The following NBDY variants were observed in gnomAD, a reference collection of about 807,000 sequenced individuals.
NBDY encodes the protein P-body dissociating protein.
At chrX:56,731,785 G>C (rs2146710266) in intron 1 of NBDY, among the ~76,000 whole-genome samples, 1 of 111,075 alleles carries the variant, frequency 9.0e-6, no homozygotes, top group Admixed American at 9.6e-5. Flanking sequence ...CTCTACTAGA[G>C]AAGTTTGTAT....
intron 2 of NBDY, among the ~76,000 whole-genome samples, chrX:56,763,757 C>T (rs1467187634): frequency 8.9e-6 from 1 of 112,786 alleles, no homozygotes; most frequent in African/African-American, 3.2e-5. Context: ...TCCTTGGTCA[C>T]ACGGTCCCAT....
At chrX:56,800,768 C>T (rs1020876322) in intron 2 of NBDY, among the ~76,000 whole-genome samples, 3 of 110,954 alleles carry the variant, frequency 2.7e-5, no homozygotes, top group Non-Finnish European at 5.7e-5. Flanking sequence ...AAAGCAGGGT[C>T]GGGTGGGCAC....
chrX:56,751,281 G>A (rs1172412969), intron 2 of NBDY, among the ~76,000 whole-genome samples: 1 of 111,064 alleles, frequency 9.0e-6, no homozygotes, highest in Non-Finnish European at 1.9e-5. Flanking sequence ...CTGCTCATTT[G>A]TCATAGCCTC....
intron 2 of NBDY, among the ~76,000 whole-genome samples, chrX:56,757,440 T>C (rs956548955): frequency 1.8e-5 from 2 of 112,204 alleles, no homozygotes; most frequent in Admixed American, 9.4e-5. Context: ...ATTCTGGGCA[T>C]CCCTTCCTTC....
intron 2 of NBDY, among the ~76,000 whole-genome samples, chrX:56,801,026 C>A (rs778778888): frequency 5.3e-4 from 59 of 111,844 alleles, no homozygotes; most frequent in Non-Finnish European, 9.8e-4. Context: ...CCTTGCAGTG[C>A]GCTGATGACA....
At chrX:56,736,267 T>C (rs1337037035) in intron 2 of NBDY, among the ~76,000 whole-genome samples, 1 of 111,894 alleles carries the variant, frequency 8.9e-6, no homozygotes, top group Non-Finnish European at 1.9e-5. Flanking sequence ...ATTGAATAAT[T>C]CTATTTTTTT....
chrX:56,739,237 T>TATATATA (rs2069515559), intron 2 of NBDY, among the ~76,000 whole-genome samples: 1 of 14,087 alleles, frequency 7.1e-5, no homozygotes, highest in Non-Finnish European at 2.3e-4. Flanking sequence ...TGTTTGTGTG[T>TATATATA]GTATATATAT....
chrX:56,764,301 CAGAGT>C, intron 2 of NBDY, among the ~76,000 whole-genome samples: 1 of 112,147 alleles, frequency 8.9e-6, no homozygotes, highest in South Asian at 3.7e-4. Flanking sequence ...CAAAAGACAC[CAGAGT>C]AAACGGCCCC....
rs939110708 is a variant in NBDY at position 56,818,247 on chromosome X, A to G, written c.*1094A>G. ...AAATTAAAATATAAAATAATAATAC[A>G]ATTTGTTCAAATAAGTAATTAAAGC... is the stretch of plus-strand genomic sequence containing the variant. On this transcript the variant is annotated 3_prime_UTR_variant, in exon 3 of 3. Transcript: ENST00000374922. The G allele has an allele frequency of 1.8e-5, 2 of 111,820 alleles. No individual in the cohort carries two copies. Among genetic ancestry groups the G allele is most frequent in the African/African-American group, 6.5e-5 (2 of 30,925 alleles). 9.2% of individuals were successfully genotyped at this position (111,820 alleles called of 1,213,427 possible).
chrX:56,749,459 G>C (rs1161827180), intron 2 of NBDY, among the ~76,000 whole-genome samples: 2 of 111,026 alleles, frequency 1.8e-5, no homozygotes, highest in African/African-American at 6.6e-5. Context: ...GTTTTGTTCA[G>C]AATCTTATCA....
chrX:56,734,421 A>G (rs2069476012), intron 2 of NBDY, among the ~76,000 whole-genome samples: 1 of 112,509 alleles, frequency 8.9e-6, no homozygotes, highest in Non-Finnish European at 1.9e-5. Flanking sequence ...AGACCACTTC[A>G]GAGCAAACAA....
rs777347697 is a variant in NBDY at position 56,791,760 on chromosome X, C to T, written c.*167-25560C>T. On this transcript the variant is annotated intron_variant, in intron 2 of 2. Coordinates refer to ENST00000374922, the MANE Select transcript of NBDY (RefSeq NM_001348129.2). The stretch of plus-strand genomic sequence containing the variant: ...TCTTGTTCTCCTTCTGATTTTTCTT[C>T]CTCTTCCTCCTCCTACTTTTTTTCT... Among the ~76,000 whole-genome samples the T allele has an allele frequency of 3.6e-5, 4 of 110,748 alleles. No homozygotes were observed. The East Asian group carries it at 1.1e-3, about 31-fold the overall frequency.
chrX:56,735,573 C>G lies in NBDY; in HGVS notation c.*166+3374C>G, dbSNP rs1370805870. Among the ~76,000 whole-genome samples the G allele has an allele frequency of 2.7e-5, 3 of 111,797 alleles. No homozygotes were observed. The Admixed American group carries it at 2.8e-4, about 11-fold the overall frequency. On this transcript the variant is annotated intron_variant, in intron 2 of 2. Transcript: ENST00000374922. ...GGTTTCTAGGGTCAGAGCCCAGCCT[C>G]CCTCCACCCACCCGGCTCCCTACAC... is the stretch of plus-strand genomic sequence containing the variant.
chrX:56,801,810 C>G (rs1388814640), intron 2 of NBDY, among the ~76,000 whole-genome samples: 1 of 111,156 alleles, frequency 9.0e-6, no homozygotes, highest in African/African-American at 3.3e-5. Context: ...TTTGCCCACT[C>G]TCACTCACAC....
chrX:56,781,450 C>T (rs181193415), intron 2 of NBDY, among the ~76,000 whole-genome samples: 3 of 111,667 alleles, frequency 2.7e-5, no homozygotes, highest in Non-Finnish European at 5.6e-5. Context: ...GGTACAGACC[C>T]GGGATTTAGG....
At position 56,810,521 on chromosome X, in the gene NBDY, T is replaced by C. The variant is rs1467520514; in HGVS notation, c.*167-6799T>C. On this transcript the variant is annotated intron_variant, in intron 2 of 2. Coordinates refer to ENST00000374922, the MANE Select transcript of NBDY (RefSeq NM_001348129.2). ...GTTGATCTTCAATCTCTGATATCCT[T>C]TCTTCTGCTTGATCCATTCAGCTAT... Among the ~76,000 whole-genome samples, 13 of 109,705 alleles carry C rather than the reference T, an allele frequency of 1.2e-4. No individual in the cohort carries two copies. The Admixed American group carries it at 1.3e-3, about 11-fold the overall frequency.
chrX:56,786,617 C>A, intron 2 of NBDY, among the ~76,000 whole-genome samples: 1 of 91,890 alleles, frequency 1.1e-5, no homozygotes, highest in East Asian at 3.7e-4. Flanking sequence ...CTTCTTTCTC[C>A]TCCTTCTCCT....
chrX:56,810,411 A>C (rs1281771016), intron 2 of NBDY, among the ~76,000 whole-genome samples: 4 of 110,540 alleles, frequency 3.6e-5, no homozygotes, highest in Non-Finnish European at 7.6e-5. Context: ...TGGTCTTTCC[A>C]CATAGTCCCA....
intron 2 of NBDY, among the ~76,000 whole-genome samples, chrX:56,739,236 G>GTATATATATATATATATATA (rs67727538): frequency 3.4e-4 from 20 of 58,046 alleles, no homozygotes; most frequent in African/African-American, 1.0e-3. Context: ...GTGTTTGTGT[G>GTATATATATATATATATATA]TGTATATATA....
Sources: allele counts gnomAD v4.1 joint callset (sites outside exome capture counted in the v4.1 genomes callset), GRCh38; gene constraint gnomAD v4.1.1; transcripts MANE v1.5; gene names NCBI Gene and HGNC (gene_info 2026-07-23, HGNC 2026-07-21).